Variants in ADAMTS20 observed in about 807,000 individuals in gnomAD.
ADAMTS20 encodes the protein A disintegrin and metalloproteinase with thrombospondin motifs 20.
Under a neutral mutation model 260.1 loss-of-function variants are expected in ADAMTS20, and 225 were observed. That is an observed-to-expected ratio of 0.87 (90% CI 0.78 to 0.97). The LOEUF is 0.97. Ranked by LOEUF, ADAMTS20 falls within the 50% of genes least tolerant of loss-of-function variation. ADAMTS20 has a pLI of 0.00. For missense variants in ADAMTS20, 2,400 were observed against 2,337.7 expected, an observed-to-expected ratio of 1.03 and a Z score of -0.55; for synonymous variants, 802 against 769.5, an observed-to-expected ratio of 1.04 and a Z score of -0.70.
chr12:43,522,205 G>A (rs929702064), intron 3 of ADAMTS20, among the ~76,000 whole-genome samples: 10 of 129,224 alleles, frequency 7.7e-5, no homozygotes, highest in Non-Finnish European at 1.5e-4. Context: ...TAATCACAAG[G>A]CGGCAGGAAG....
intron 7 of ADAMTS20, among the ~76,000 whole-genome samples, chr12:43,470,093 G>T (rs1942226646): frequency 6.6e-6 from 1 of 152,156 alleles, no homozygotes; most frequent in South Asian, 2.1e-4. Flanking sequence ...TCTGTAGAGT[G>T]TGAGGGAATT....
intron 29 of ADAMTS20, among the ~76,000 whole-genome samples, chr12:43,396,560 A>G (rs1940708241): frequency 1.3e-5 from 2 of 152,158 alleles, no homozygotes. Flanking sequence ...TGTTTCTGGC[A>G]GAGATTTGGG....
In ADAMTS20 at chr12:43,514,086, TA is replaced by T. The variant is rs71091163; in HGVS notation, c.614-11682del. 7.8e-3 allele frequency among the ~76,000 whole-genome samples: 779 copies of T among 100,504 alleles called. 13 individuals are homozygous for T. The highest frequency in any genetic ancestry group is 0.023 in the African/African-American group (582 of 25,380). 65.9% of individuals were successfully genotyped at this position (100,504 alleles called of 152,430 possible). Reference sequence around the variant, plus strand: ...TTTAAAAAAAAGAGAGAATAAACTCTAAAAAAAAAAAAAAAAAAAAAAAAGT... The same window carrying T: ...TTTAAAAAAAAGAGAGAATAAACTCTAAAAAAAAAAAAAAAAAAAAAAAGT... On this transcript the variant is annotated intron_variant, in intron 3 of 38. Coordinates refer to ENST00000389420, the MANE Select transcript of ADAMTS20 (RefSeq NM_025003.5).
chr12:43,504,224 TA>T (rs1391633192), intron 3 of ADAMTS20, among the ~76,000 whole-genome samples: 4 of 152,126 alleles, frequency 2.6e-5, no homozygotes, highest in African/African-American at 4.8e-5. Flanking sequence ...CAGCATCTAT[TA>T]TTTTTTTTAT....
In ADAMTS20 at chr12:43,411,601, C is replaced by T. The variant is rs565111761; in HGVS notation, c.4285-12368G>A. On this transcript the variant is annotated intron_variant, in intron 28 of 38. Transcript: ENST00000389420. ...CAGGCTGGTCTTGAACTTCTGACCTCAGGTGATCCACCCACCTCAGCCTCC... is the reference window on the plus strand; with the variant it reads ...CAGGCTGGTCTTGAACTTCTGACCTTAGGTGATCCACCCACCTCAGCCTCC... Among the ~76,000 whole-genome samples the T allele has an allele frequency of 2.0e-5, 3 of 152,266 alleles. No individual in the cohort carries two copies. In the East Asian group the frequency reaches 5.8e-4, roughly 29 times the overall value.
chr12:43,376,607 C>T lies in ADAMTS20; in HGVS notation c.5042G>A (p.Cys1681Tyr), dbSNP rs755728439. ...GIGIMKRQVK[C>Y]ITKHGLSSDL... is the part of the protein sequence containing the mutation. ...ACTGGACAAACCATGTTTGGTAATG[C>T]ATTTCACTTGTCTCTTCATTATCCC... The change falls in exon 33 of 39, where the codon TGC becomes TAC. Residue 1681 changes from cysteine (C) to tyrosine (Y), a missense_variant. Coordinates refer to ENST00000389420, the MANE Select transcript of ADAMTS20 (RefSeq NM_025003.5). 12 of 1,613,396 alleles carry T rather than the reference C, an allele frequency of 7.4e-6. No individual in the cohort carries two copies. Among genetic ancestry groups the T allele is most frequent in the Admixed American group, 1.7e-5 (1 of 59,934 alleles).
chr12:43,537,216 G>GTT (rs138641821), intron 2 of ADAMTS20, among the ~76,000 whole-genome samples: 1 of 147,346 alleles, frequency 6.8e-6, no homozygotes, highest in African/African-American at 2.5e-5. Flanking sequence ...AATTTTGAAG[G>GTT]TTTTTTTTTT....
intron 16 of ADAMTS20, among the ~76,000 whole-genome samples, chr12:43,442,115 G>GT (rs1373070125): frequency 1.3e-5 from 2 of 152,072 alleles, no homozygotes; most frequent in Non-Finnish European, 2.9e-5. Context: ...ACTACTTTTA[G>GT]TTACCAAACG....
chr12:43,492,984 G>C (rs1565570981), intron 5 of ADAMTS20, among the ~76,000 whole-genome samples, 186 bp downstream of exon 5: 1 of 152,046 alleles, frequency 6.6e-6, no homozygotes, highest in South Asian at 2.1e-4. Context: ...CCTTTACTCA[G>C]TTAAACACTG....
intron 3 of ADAMTS20, among the ~76,000 whole-genome samples, chr12:43,505,923 C>G (rs1008959180): frequency 3.3e-5 from 5 of 152,036 alleles, no homozygotes; most frequent in Non-Finnish European, 4.4e-5. Context: ...AATGAATAAA[C>G]AAAATGTAGT....
chr12:43,498,022 C>CAT (rs772650094), intron 4 of ADAMTS20, among the ~76,000 whole-genome samples: 6 of 152,108 alleles, frequency 3.9e-5, no homozygotes, highest in Non-Finnish European at 7.4e-5. Context: ...CTTAATAATG[C>CAT]ATATATATAT....
Position 43,434,239 on chromosome 12 carries a change from T to C in ADAMTS20, c.2720+6A>G. The C allele has an allele frequency of 1.9e-6, 3 of 1,568,468 alleles. No homozygotes were observed. Among genetic ancestry groups the C allele is most frequent in the Non-Finnish European group, 2.6e-6 (3 of 1,155,042 alleles). ...CTGGTTATATTACATATTATTTCTC[T>C]TTTACCTTAGTTCACAGTCTGTATT... On this transcript the variant is annotated splice_donor_region_variant and intron_variant, in intron 19 of 38. Coordinates refer to ENST00000389420, the MANE Select transcript of ADAMTS20 (RefSeq NM_025003.5).
intron 7 of ADAMTS20, among the ~76,000 whole-genome samples, chr12:43,485,109 AAAG>A: frequency 7.7e-6 from 1 of 129,444 alleles, no homozygotes; most frequent in Non-Finnish European, 1.7e-5. Context: ...AAAAAAAAAA[AAAG>A]CAACAACAAC....
chr12:43,439,395 T>C (rs1318155387), intron 18 of ADAMTS20, among the ~76,000 whole-genome samples: 2 of 151,898 alleles, frequency 1.3e-5, no homozygotes, highest in African/African-American at 2.4e-5. Context: ...CAGTAATAGA[T>C]AGAGAAGGGT....
At chr12:43,519,537 C>A (rs553860132) in intron 3 of ADAMTS20, among the ~76,000 whole-genome samples, 4 of 152,098 alleles carry the variant, frequency 2.6e-5, no homozygotes, top group African/African-American at 9.7e-5. Flanking sequence ...GAACAGGAGT[C>A]TCCTCTTAGC....
chr12:43,402,725 T>C (rs1408164571), intron 28 of ADAMTS20, among the ~76,000 whole-genome samples: 4 of 152,134 alleles, frequency 2.6e-5, no homozygotes, highest in East Asian at 1.9e-4. Context: ...GCTGTTTTTT[T>C]CCCCTCCATT....
chr12:43,481,353 T>A (rs1346305948), intron 7 of ADAMTS20, among the ~76,000 whole-genome samples: 1 of 152,192 alleles, frequency 6.6e-6, no homozygotes, highest in Non-Finnish European at 1.5e-5. Flanking sequence ...TTTAAAAGAC[T>A]CAGAAAACAA....
In ADAMTS20 at chr12:43,493,259, T is replaced by A; in HGVS notation, c.868-6A>T. 1 of 1,532,310 alleles carries A rather than the reference T, an allele frequency of 6.5e-7. No individual in the cohort carries two copies. The highest frequency in any genetic ancestry group is 8.8e-7 in the Non-Finnish European group (1 of 1,135,212). 94.9% of individuals were successfully genotyped at this position (1,532,310 alleles called of 1,614,324 possible). On this transcript the variant is annotated splice_region_variant and splice_polypyrimidine_tract_variant and intron_variant, in intron 4 of 38. Transcript: ENST00000389420. Reference sequence around the variant, plus strand: ...TCTTTGTAGATTGTTGCAACCTGCATGTAAAAAAAATGTAGGATTAGTTGT... The same window carrying A: ...TCTTTGTAGATTGTTGCAACCTGCAAGTAAAAAAAATGTAGGATTAGTTGT...
chr12:43,549,471 A>G (rs1343857110), intron 2 of ADAMTS20, among the ~76,000 whole-genome samples: 2 of 152,100 alleles, frequency 1.3e-5, no homozygotes, highest in African/African-American at 4.8e-5. Flanking sequence ...AAAAAAGGAT[A>G]CTGAATAATA....
Sources: allele counts gnomAD v4.1 joint callset (sites outside exome capture counted in the v4.1 genomes callset), GRCh38; gene constraint gnomAD v4.1.1; transcripts MANE v1.5; gene names NCBI Gene and HGNC (gene_info 2026-07-23, HGNC 2026-07-21).